Variants in FER1L5 observed in about 807,000 individuals in gnomAD.
FER1L5 encodes the protein fer-1-like protein 5.
A neutral mutation model predicts 279.9 loss-of-function variants in FER1L5; 187 were observed. That is an observed-to-expected ratio of 0.67 (90% confidence interval 0.59 to 0.75). The LOEUF (loss-of-function observed/expected upper bound fraction) is 0.75. Among genes scored for constraint, FER1L5 ranks in the 30% least tolerant of loss-of-function variants. The probability of loss-of-function intolerance (pLI) is 0.00; values close to 1 mark genes in which losing one functional copy is unlikely to be tolerated. For missense variants in FER1L5, 2,091 were observed against 2,594.4 expected (o/e 0.81, Z 4.21); for synonymous variants, 921 against 989.7 (o/e 0.93, Z 1.30).
In FER1L5 at chr2:96,704,583, C is replaced by T. The variant is rs569110509; in HGVS notation, c.6065C>T (p.Thr2022Ile). The T allele has an allele frequency of 2.6e-5, 42 of 1,613,960 alleles. No individual in the cohort carries two copies. The East Asian group carries it at 9.4e-4, about 36-fold the overall frequency. The change falls in exon 53 of 53, where the codon ACC (threonine) becomes ATC (isoleucine). Residue 2022 changes from threonine (T) to isoleucine (I), a missense_variant. Coordinates refer to ENST00000624922, the MANE Select transcript of FER1L5 (RefSeq NM_001293083.2). ...TSNASSSILP[T>I]QDPNLKPTID... ...AACGCCAGCTCTTCCATCCTTCCCA[C>T]CCAGGATCCAAACCTAAAGCCTACA...
Position 96,704,300 on chromosome 2 carries a change from A to G in FER1L5, c.5887A>G (p.Ile1963Val), listed in dbSNP as rs779636977. The stretch of plus-strand genomic sequence containing the variant: ...CTGGAAACGCTATCGCTTCAAACTC[A>G]TAGCCTTTATGGTCATATCGATTAT... ...IFWKRYRFKL[I>V]AFMVISIIAL... The change falls in exon 52 of 53, where the codon ATA becomes GTA. Residue 1963 changes from isoleucine to valine, a missense_variant. Physicochemically the swap from Ile to Val is conservative, Grantham distance 29 (BLOSUM62 3). Transcript: ENST00000624922. The G allele has an allele frequency of 6.2e-7, 1 of 1,613,990 alleles. No individual in the cohort carries two copies. Among genetic ancestry groups the G allele is most frequent in the Non-Finnish European group, 8.5e-7 (1 of 1,179,886 alleles).
chr2:96,690,469 C>T lies in FER1L5; in HGVS notation c.2641-18C>T, dbSNP rs2077098923. The T allele has an allele frequency of 1.3e-6, 2 of 1,550,570 alleles. No individual in the cohort carries two copies. Among genetic ancestry groups the T allele is most frequent in the East Asian group, 2.4e-5 (1 of 40,910 alleles). On this transcript the variant is annotated intron_variant, in intron 26 of 52. Transcript: ENST00000624922. ...CCAGCTCATGTGCCCCTCGCTCGCC[C>T]TCTCTGTCCACCTGCAGAATGGACA...
chr2:96,694,467 G>A lies in FER1L5; in HGVS notation c.3741+3G>A. The A allele has an allele frequency of 1.3e-6, 2 of 1,539,966 alleles. No homozygotes were observed. Among genetic ancestry groups the A allele is most frequent in the Non-Finnish European group, 1.8e-6 (2 of 1,140,026 alleles). ...CGATAAAGAGGATGGCCATTGAGGT[G>A]CTGGCGATGTGGGATGGGGACGGTG... On this transcript the variant is annotated splice_donor_region_variant and intron_variant, in intron 34 of 52. Coordinates refer to ENST00000624922, the MANE Select transcript of FER1L5 (RefSeq NM_001293083.2). The surrounding 1 kb of genome is among the most constrained non-coding windows in gnomAD (Gnocchi z 4.6).
rs543109608 is a variant in FER1L5, at chr2:96,703,064, C to T, written c.5484C>T (p.Pro1828=). Residue 1828 remains proline, a synonymous_variant, in exon 49 of 53, where the codon CCC becomes CCT. Coordinates refer to ENST00000624922, the MANE Select transcript of FER1L5 (RefSeq NM_001293083.2). ...IQVWDNDIFS[P]DDFLGVLELD... is the part of the protein sequence containing the mutation. ...TCTGGGACAATGACATCTTCTCCCC[C>T]GACGACTTCCTAGGTGAGGTCCTGA... The T allele has an allele frequency of 1.5e-5, 24 of 1,613,608 alleles. No individual in the cohort carries two copies. The highest frequency in any genetic ancestry group is 6.7e-5 in the African/African-American group (5 of 75,024).
At chr2:96,687,253 T>C (rs754021883) in intron 23 of FER1L5, among the ~76,000 whole-genome samples, 6 of 152,228 alleles carry the variant, frequency 3.9e-5, no homozygotes, top group Non-Finnish European at 7.3e-5. Flanking sequence ...GTAAGGACAC[T>C]CTGGGCTTTC....
chr2:96,671,753 G>T (rs973116824), intron 18 of FER1L5, among the ~76,000 whole-genome samples: 2 of 152,330 alleles, frequency 1.3e-5, no homozygotes, highest in Middle Eastern at 3.4e-3. Context: ...TTGCAGAAGC[G>T]GTTGGACAGG....
intron 45 of FER1L5, 86 bp downstream of exon 45, chr2:96,700,557 C>T: frequency 6.4e-7 from 1 of 1,573,866 alleles, no homozygotes; most frequent in South Asian, 1.1e-5. Context: ...GGACATAGTC[C>T]ACGAGAGGAG....
intron 18 of FER1L5, among the ~76,000 whole-genome samples, chr2:96,672,593 C>T (rs1372512902): frequency 7.9e-5 from 12 of 151,644 alleles, no homozygotes; most frequent in African/African-American, 2.9e-4. Context: ...TGAGAACAGC[C>T]GAAGTTGGGG....
rs1558855467 is a variant in FER1L5 at position 96,659,481 on chromosome 2, CTTTCTTTCTTTCTTTCTTTCTTTCTTTCG to C, written c.748-859_748-831del. ...TCTTTCTTTCTTTCTTTCTTTCTTT[CTTTCTTTCTTTCTTTCTTTCTTTCTTTCG>C]AGACAGAGTCTCGCTCTGTCGCCCA... On this transcript the variant is annotated intron_variant, in intron 9 of 52. Transcript: ENST00000624922. 1.4e-3 allele frequency among the ~76,000 whole-genome samples: 44 copies of C among 31,384 alleles called. 7 individuals are homozygous for C. The highest frequency in any genetic ancestry group is 0.012 in the African/African-American group (43 of 3,530). The allele number at this position is 31,384 out of a possible 152,430, so 20.6% of individuals were successfully genotyped here.
At chr2:96,676,131 T>C (rs1247133447) in intron 19 of FER1L5, among the ~76,000 whole-genome samples, 1 of 152,246 alleles carries the variant, frequency 6.6e-6, no homozygotes, top group Non-Finnish European at 1.5e-5. Context: ...AGATAACCAG[T>C]GGAGCACCAT....
intron 45 of FER1L5, 95 bp downstream of exon 45, chr2:96,700,566 A>G (rs2280355): frequency 0.74 from 1,138,133 of 1,541,106 alleles, 433,498 homozygotes; most frequent in African/African-American, 0.94. Context: ...CCACGAGAGG[A>G]GAAGGACAGG....
intron 37 of FER1L5, among the ~76,000 whole-genome samples, chr2:96,696,428 G>A (rs56144803): frequency 6.6e-6 from 1 of 152,078 alleles, no homozygotes; most frequent in South Asian, 2.1e-4. Flanking sequence ...GAGCAGCTGG[G>A]ATTACAGGTG....
chr2:96,663,583 G>T, intron 14 of FER1L5, 76 bp downstream of exon 14: 2 of 1,503,218 alleles, frequency 1.3e-6, no homozygotes, highest in Admixed American at 2.0e-5. Flanking sequence ...ATTGTGTGGG[G>T]GTGAAGACAG....
intron 19 of FER1L5, among the ~76,000 whole-genome samples, chr2:96,674,837 A>G (rs1320933479): frequency 6.6e-6 from 1 of 152,076 alleles, no homozygotes; most frequent in Non-Finnish European, 1.5e-5. Context: ...AAATAATAAA[A>G]TGAGTACCCA....
chr2:96,676,406 A>T (rs1396949560), intron 19 of FER1L5, among the ~76,000 whole-genome samples: 2 of 152,030 alleles, frequency 1.3e-5, no homozygotes, highest in Non-Finnish European at 2.9e-5. Context: ...ACCTCAGGTG[A>T]TCTGCCCACC....
intron 2 of FER1L5, 81 bp from the exon 3 acceptor site, chr2:96,646,983 C>T: frequency 7.2e-7 from 1 of 1,397,930 alleles, no homozygotes; most frequent in South Asian, 1.3e-5. Flanking sequence ...CCAGCCCGTT[C>T]CCCACGTCTT....
Position 96,649,646 on chromosome 2 carries a change from C to A in FER1L5, c.363C>A (p.Ala121=). The stretch of plus-strand genomic sequence containing the variant: ...AGTGTACTGTCACCCTACAGGTGGC[C>A]CACATGAGCAACCAGGATATTGAGA... ...PTDCTVTLQV[A]HMSNQDIEKT... The change falls in exon 5 of 53, where the codon GCC becomes GCA. Residue 121 remains alanine, a synonymous_variant. Transcript: ENST00000624922. 1 of 1,551,514 alleles carries A rather than the reference C, an allele frequency of 6.4e-7. No homozygotes were observed. The highest frequency in any genetic ancestry group is 8.7e-7 in the Non-Finnish European group (1 of 1,146,960).
chr2:96,700,008 C>A lies in FER1L5; in HGVS notation c.4858C>A (p.Pro1620Thr), dbSNP rs779109052. ...LERYAKRKGL[P>T]PPLFSPEEDA... is the part of the protein sequence containing the mutation. ...ACGCTATGCCAAGCGGAAAGGGCTA[C>A]CTCCGCCTCTGTTCAGTCCTGAGGA... The change falls in exon 44 of 53, where the codon CCT becomes ACT. Residue 1620 changes from proline to threonine, a missense_variant. Pro to Thr is a conservative substitution (Grantham distance 38, BLOSUM62 -1). Transcript: ENST00000624922. 8 of 1,614,010 alleles carry A rather than the reference C, an allele frequency of 5.0e-6. No homozygotes were observed. The highest frequency in any genetic ancestry group is 3.3e-5 in the Admixed American group (2 of 60,030).
intron 5 of FER1L5, among the ~76,000 whole-genome samples, chr2:96,649,951 T>A (rs1363129266): frequency 6.6e-6 from 1 of 152,200 alleles, no homozygotes; most frequent in Non-Finnish European, 1.5e-5. Context: ...ACAAGGATGG[T>A]CATCTCCAAG....
Sources: allele counts gnomAD v4.1 joint callset (sites outside exome capture counted in the v4.1 genomes callset), GRCh38; gene constraint gnomAD v4.1.1; non-coding constraint Gnocchi (gnomAD v3.1); transcripts MANE v1.5; gene names NCBI Gene and HGNC (gene_info 2026-07-23, HGNC 2026-07-21).